The following DLGAP4 variants were observed in gnomAD, a reference collection of about 807,000 sequenced individuals.
The protein encoded by DLGAP4 is DLG associated protein 4.
In DLGAP4, 18 loss-of-function variants were observed where a neutral mutation model predicts 86.9. That is an observed-to-expected ratio of 0.21 (90% confidence interval 0.14 to 0.31). The LOEUF is 0.31. Among genes scored for constraint, DLGAP4 ranks in the 10% least tolerant of loss-of-function variants. The pLI, the probability that DLGAP4 is intolerant of heterozygous loss-of-function variation, is 1.00. For synonymous variants in DLGAP4, 548 were observed against 574.3 expected (o/e 0.95, Z 0.65); for missense variants, 1,085 against 1,362.6 (o/e 0.80, Z 3.21).
intron 2 of DLGAP4, among the ~76,000 whole-genome samples, chr20:36,417,372 T>A (rs1329756132): frequency 6.6e-6 from 1 of 151,750 alleles, no homozygotes; most frequent in Non-Finnish European, 1.5e-5. Flanking sequence ...GTTTTGTTTT[T>A]GTTTTTGTTT....
intron 1 of DLGAP4, among the ~76,000 whole-genome samples, chr20:36,366,569 C>A (rs1371470823): frequency 6.6e-6 from 1 of 152,220 alleles, no homozygotes; most frequent in African/African-American, 2.4e-5. Context: ...TCAGAGAAGG[C>A]ACTCTTGTTC....
At chr20:36,517,137 C>T (rs941414019) in intron 10 of DLGAP4, among the ~76,000 whole-genome samples, 2 of 150,896 alleles carry the variant, frequency 1.3e-5, no homozygotes, top group African/African-American at 2.4e-5. Context: ...CCAGCACTTT[C>T]GGAGGCCGAG....
intron 7 of DLGAP4, chr20:36,462,265 C>T (rs1019567932): frequency 2.4e-6 from 3 of 1,276,218 alleles, no homozygotes; most frequent in African/African-American, 3.2e-5. Flanking sequence ...CCTGGTTTGT[C>T]CCCTGTCGCT....
intron 2 of DLGAP4, among the ~76,000 whole-genome samples, chr20:36,372,923 G>A (rs529847451): frequency 2.6e-5 from 4 of 152,276 alleles, no homozygotes; most frequent in East Asian, 1.9e-4. Flanking sequence ...TGTGACATCC[G>A]GATTTGGAAT....
At chr20:36,343,074 G>C (rs2147376896) in intron 1 of DLGAP4, among the ~76,000 whole-genome samples, 1 of 152,258 alleles carries the variant, frequency 6.6e-6, no homozygotes, top group African/African-American at 2.4e-5. Flanking sequence ...GCCCTGAGGG[G>C]CCTTCTGGCC....
At chr20:36,320,728 G>A (rs1468574714) in intron 1 of DLGAP4, among the ~76,000 whole-genome samples, 1 of 152,142 alleles carries the variant, frequency 6.6e-6, no homozygotes, top group Non-Finnish European at 1.5e-5. Context: ...GACCTCTGGG[G>A]GCTGCTGACT....
chr20:36,425,172 T>C lies in DLGAP4; in HGVS notation c.-72-6474T>C, dbSNP rs967642249. 2.6e-5 allele frequency among the ~76,000 whole-genome samples: 4 copies of C among 152,298 alleles called. No individual in the cohort carries two copies. In the East Asian group the frequency reaches 7.7e-4, roughly 29 times the overall value. ...AATGGGAGAAAATATTTACAAACCA[T>C]ATATCTGCTAAGGGTTCAATATCTA... is the stretch of plus-strand genomic sequence containing the variant. On this transcript the variant is annotated intron_variant, in intron 2 of 12. Transcript: ENST00000339266.
chr20:36,446,959 G>A (rs2033608057), intron 7 of DLGAP4, 22 bp downstream of exon 7: 1 of 1,583,496 alleles, frequency 6.3e-7, no homozygotes, highest in Non-Finnish European at 8.6e-7. Flanking sequence ...GATGAGGGAA[G>A]GGGTTTTTTT....
intron 2 of DLGAP4, among the ~76,000 whole-genome samples, chr20:36,385,417 G>A (rs1485701166): frequency 6.6e-6 from 1 of 152,118 alleles, no homozygotes; most frequent in Non-Finnish European, 1.5e-5. Flanking sequence ...CTTAGTAGTA[G>A]AAATAAGACC....
intron 1 of DLGAP4, among the ~76,000 whole-genome samples, chr20:36,361,965 C>T (rs1419460372): frequency 1.3e-4 from 16 of 122,794 alleles, no homozygotes; most frequent in African/African-American, 4.5e-4. Flanking sequence ...GATGACACTG[C>T]GAGATTCTGT....
chr20:36,331,943 C>T (rs1040421405), intron 1 of DLGAP4, among the ~76,000 whole-genome samples: 21 of 147,224 alleles, frequency 1.4e-4, no homozygotes, highest in Non-Finnish European at 2.4e-4. Context: ...GTTGTGCTGG[C>T]GGACATGTTC....
intron 2 of DLGAP4, among the ~76,000 whole-genome samples, chr20:36,401,910 G>A (rs979185134): frequency 6.6e-6 from 1 of 152,194 alleles, no homozygotes; most frequent in Non-Finnish European, 1.5e-5. Flanking sequence ...ACGCCCTGAG[G>A]GAGGAAAGTG....
chr20:36,350,184 C>A lies in DLGAP4; in HGVS notation c.-303-16861C>A, dbSNP rs982874995. On this transcript the variant is annotated intron_variant, in intron 1 of 12. Coordinates refer to ENST00000339266, the MANE Select transcript of DLGAP4 (RefSeq NM_001365621.2). This position sits in a 1 kb window ranked among gnomAD's most constrained non-coding sequence, Gnocchi z 4.4. ...ACCCAGAAGGCTGGCGGGTGCCAAG[C>A]CTGGATCGTCCCCCGAGCTCAGCTT... Among the ~76,000 whole-genome samples, 1 of 152,222 alleles carries A rather than the reference C, an allele frequency of 6.6e-6. No homozygotes were observed. The highest frequency in any genetic ancestry group is 6.5e-5 in the Admixed American group (1 of 15,282).
intron 1 of DLGAP4, among the ~76,000 whole-genome samples, chr20:36,329,024 T>G (rs144108469): frequency 6.6e-6 from 1 of 152,166 alleles, no homozygotes; most frequent in African/African-American, 2.4e-5. Flanking sequence ...TCTGCCTGAC[T>G]TGGTCTCCCA....
chr20:36,337,866 C>T (rs1203149674), intron 1 of DLGAP4, among the ~76,000 whole-genome samples: 2 of 152,226 alleles, frequency 1.3e-5, no homozygotes, highest in African/African-American at 4.8e-5. Flanking sequence ...GCCTGCTGGG[C>T]ACCCACAGGC....
intron 2 of DLGAP4, among the ~76,000 whole-genome samples, chr20:36,427,124 G>A (rs1030504301): frequency 7.9e-5 from 12 of 152,114 alleles, no homozygotes; most frequent in Middle Eastern, 3.4e-3. Context: ...TCAAAGCTGC[G>A]GTGAGCTATG....
At chr20:36,513,972 T>A (rs1371193107) in intron 10 of DLGAP4, among the ~76,000 whole-genome samples, 2 of 152,156 alleles carry the variant, frequency 1.3e-5, no homozygotes, top group African/African-American at 2.4e-5. Context: ...TAGGTCCAGT[T>A]TGAAGATTCT....
chr20:36,410,292 C>G (rs1174366138), intron 2 of DLGAP4, among the ~76,000 whole-genome samples: 3 of 152,132 alleles, frequency 2.0e-5, no homozygotes, highest in Non-Finnish European at 2.9e-5. Context: ...TTTCTTTCAG[C>G]CTGCACTGGG....
chr20:36,404,640 G>A (rs779861970), intron 2 of DLGAP4, among the ~76,000 whole-genome samples: 57 of 152,368 alleles, frequency 3.7e-4, no homozygotes, highest in Non-Finnish European at 7.2e-4. Flanking sequence ...GAGAGGATGG[G>A]CATGCATAGA....
Sources: allele counts gnomAD v4.1 joint callset (sites outside exome capture counted in the v4.1 genomes callset), GRCh38; gene constraint gnomAD v4.1.1; non-coding constraint Gnocchi (gnomAD v3.1); transcripts MANE v1.5; gene names NCBI Gene and HGNC (gene_info 2026-07-23, HGNC 2026-07-21).